Variants in EFTUD2 observed in about 807,000 individuals in gnomAD.
EFTUD2 encodes the protein 116 kDa U5 small nuclear ribonucleoprotein component.
Under a neutral mutation model 114.3 loss-of-function variants are expected in EFTUD2, and 9 were observed. That is an observed-to-expected ratio of 0.08 (90% CI 0.05 to 0.14). EFTUD2 has a LOEUF of 0.14. EFTUD2 is among the 10% of genes least tolerant of loss of function. EFTUD2 has a pLI of 1.00. For missense variants in EFTUD2, 765 were observed against 1,241.2 expected, an observed-to-expected ratio of 0.62 and a Z score of 5.76; for synonymous variants, 449 against 462.3, an observed-to-expected ratio of 0.97 and a Z score of 0.37.
At chr17:44,856,303 C>A (rs1056167006) in intron 20 of EFTUD2, among the ~76,000 whole-genome samples, 4 of 146,496 alleles carry the variant, frequency 2.7e-5, no homozygotes, top group African/African-American at 7.6e-5. Flanking sequence ...CCGAGGCGGG[C>A]GGACTGCCTG....
intron 16 of EFTUD2, among the ~76,000 whole-genome samples, chr17:44,861,717 G>A (rs2050664503): frequency 6.6e-6 from 1 of 151,970 alleles, no homozygotes; most frequent in African/African-American, 2.4e-5. Flanking sequence ...TTGGGCGACA[G>A]AGTGAGACTC....
Position 44,855,442 on chromosome 17 carries a change from A to G in EFTUD2, c.2046-438T>C, listed in dbSNP as rs146279650. On this transcript the variant is annotated intron_variant, in intron 20 of 27. Coordinates refer to ENST00000426333, the MANE Select transcript of EFTUD2 (RefSeq NM_004247.4). ...TGGGCGTGGTGGCGTGCGCTGGCACATGCCTGTAATCACAACTACTCAGGT... is the reference window on the plus strand; with the variant it reads ...TGGGCGTGGTGGCGTGCGCTGGCACGTGCCTGTAATCACAACTACTCAGGT... Among the ~76,000 whole-genome samples, 25 of 152,030 alleles carry G rather than the reference A, an allele frequency of 1.6e-4. 1 individual carries two copies. The East Asian group carries it at 4.5e-3, about 27-fold the overall frequency.
intron 14 of EFTUD2, among the ~76,000 whole-genome samples, chr17:44,864,715 AATGTAATTCCTTTT>A (rs1407892116): frequency 6.6e-6 from 1 of 152,158 alleles, no homozygotes; most frequent in Admixed American, 6.5e-5. Context: ...CTGGCAGGAA[AATGTAATTCCTTTT>A]GGTTCCCAAG....
intron 8 of EFTUD2, among the ~76,000 whole-genome samples, chr17:44,880,225 T>TA (rs1454639100): frequency 6.6e-6 from 1 of 152,110 alleles, no homozygotes; most frequent in Non-Finnish European, 1.5e-5. Context: ...AGACTGAGAG[T>TA]ACTCAAGGCC....
At chr17:44,859,342 C>T (rs1189456107) in intron 18 of EFTUD2, 161 bp from the exon 19 acceptor site, 1 of 639,996 alleles carries the variant, frequency 1.6e-6, no homozygotes, top group Admixed American at 2.3e-5. Context: ...GGAGCATCTG[C>T]CTATGAGTGG....
chr17:44,888,419 T>C (rs2051215193), intron 2 of EFTUD2, among the ~76,000 whole-genome samples: 1 of 152,224 alleles, frequency 6.6e-6, no homozygotes, highest in South Asian at 2.1e-4. Flanking sequence ...GAAGAAACTC[T>C]GCACCAGGGG....
At chr17:44,851,457 G>T in intron 27 of EFTUD2, 88 bp from the exon 28 acceptor site, 2 of 1,114,510 alleles carry the variant, frequency 1.8e-6, no homozygotes, top group Non-Finnish European at 2.7e-6. Flanking sequence ...CAGTGGGGAG[G>T]CTAGTGGTGG....
intron 19 of EFTUD2, 122 bp downstream of exon 19, chr17:44,858,958 G>C (rs1220265574): frequency 1.4e-6 from 1 of 712,552 alleles, no homozygotes; most frequent in Non-Finnish European, 2.5e-6. Flanking sequence ...AGGAGCAACA[G>C]ATCATGGTTT....
At chr17:44,870,624 A>T (rs2050831618) in intron 11 of EFTUD2, among the ~76,000 whole-genome samples, 1 of 152,124 alleles carries the variant, frequency 6.6e-6, no homozygotes. Context: ...GAAGATGAAG[A>T]CCTTTATGAT....
intron 7 of EFTUD2, 87 bp from the exon 8 acceptor site, chr17:44,880,731 ACACTGATGC>A: frequency 1.0e-6 from 1 of 953,806 alleles, no homozygotes. Flanking sequence ...CTAGTAAATT[ACACTGATGC>A]CTCTCCTTAT....
At chr17:44,894,573 C>T (rs753841387) in intron 1 of EFTUD2, 48 bp from the exon 2 acceptor site, 17 of 1,438,456 alleles carry the variant, frequency 1.2e-5, no homozygotes, top group South Asian at 1.0e-4. Flanking sequence ...GTAATCAAGG[C>T]CTTCATGTGG....
At chr17:44,893,776 G>T (rs943078046) in intron 2 of EFTUD2, among the ~76,000 whole-genome samples, 2 of 126,950 alleles carry the variant, frequency 1.6e-5, no homozygotes, top group South Asian at 3.1e-4. Flanking sequence ...GTGGGGGGGG[G>T]GGTGGGGGGG....
At chr17:44,856,544 A>G (rs1466719614) in intron 20 of EFTUD2, among the ~76,000 whole-genome samples, 1 of 151,790 alleles carries the variant, frequency 6.6e-6, no homozygotes, top group Admixed American at 6.6e-5. Context: ...AAGAAAAAAA[A>G]AGTAAGGTTT....
intron 4 of EFTUD2, chr17:44,883,943 G>A (rs2051119002): frequency 1.8e-6 from 1 of 551,728 alleles, no homozygotes; most frequent in Non-Finnish European, 3.3e-6. Context: ...ACTATCACGG[G>A]GATTTCAATA....
At position 44,850,870 on chromosome 17, in the gene EFTUD2, C is replaced by T. The variant is rs190030305; in HGVS notation, c.*404G>A. On this transcript the variant is annotated 3_prime_UTR_variant, in exon 28 of 28. Coordinates refer to ENST00000426333, the MANE Select transcript of EFTUD2 (RefSeq NM_004247.4). ...ATATATTCAGAATGTAAGCACCAGA[C>T]GGGGCAGGGGAGACGAGGATGAAAG... 388 of 235,296 alleles carry T rather than the reference C, an allele frequency of 1.6e-3. 1 individual carries two copies. The highest frequency in any genetic ancestry group is 7.5e-3 in the African/African-American group (339 of 45,126). 14.6% of individuals were successfully genotyped at this position (235,296 alleles called of 1,614,324 possible).
chr17:44,893,341 T>C (rs1353932967), intron 2 of EFTUD2, among the ~76,000 whole-genome samples: 1 of 152,186 alleles, frequency 6.6e-6, no homozygotes, highest in Non-Finnish European at 1.5e-5. Flanking sequence ...CAGGTTAGTC[T>C]TGAACTCCTG....
At chr17:44,897,356 AAATTT>A (rs2051408946) in intron 1 of EFTUD2, among the ~76,000 whole-genome samples, 1 of 152,064 alleles carries the variant, frequency 6.6e-6, no homozygotes, top group South Asian at 2.1e-4. Context: ...TTATGATACT[AAATTT>A]AATTTTAAAA....
At chr17:44,876,856 A>AAAAAC (rs2050963292) in intron 9 of EFTUD2, among the ~76,000 whole-genome samples, 1 of 38,726 alleles carries the variant, frequency 2.6e-5, no homozygotes, top group African/African-American at 1.3e-4. Flanking sequence ...ACTCCGTCTC[A>AAAAAC]AAAAAAAAAA....
intron 25 of EFTUD2, 76 bp from the exon 26 acceptor site, chr17:44,852,638 T>A: frequency 6.5e-7 from 1 of 1,535,458 alleles, no homozygotes; most frequent in South Asian, 1.2e-5. Context: ...GCATTTGCTG[T>A]CCCCCAAATG....
Sources: allele counts gnomAD v4.1 joint callset (sites outside exome capture counted in the v4.1 genomes callset), GRCh38; gene constraint gnomAD v4.1.1; transcripts MANE v1.5; gene names NCBI Gene and HGNC (gene_info 2026-07-23, HGNC 2026-07-21).